The following RAPGEF1 variants were observed in gnomAD, a reference collection of about 807,000 sequenced individuals.
RAPGEF1 encodes the protein Rap guanine nucleotide exchange factor 1.
A neutral mutation model predicts 143.3 loss-of-function variants in RAPGEF1; 33 were observed. The observed-to-expected ratio is 0.23, with a 90% CI of 0.17 to 0.31. The LOEUF is 0.31. Ranked by LOEUF, RAPGEF1 falls within the 10% of genes least tolerant of loss-of-function variation. The pLI is 1.00. For missense variants in RAPGEF1, 1,199 were observed against 1,645.4 expected, an observed-to-expected ratio of 0.73 and a Z score of 4.69; for synonymous variants, 629 against 676.5, an observed-to-expected ratio of 0.93 and a Z score of 1.09.
At chr9:131,663,248 A>G (rs1829880324) in intron 1 of RAPGEF1, among the ~76,000 whole-genome samples, 1 of 152,222 alleles carries the variant, frequency 6.6e-6, no homozygotes, top group Admixed American at 6.5e-5. Flanking sequence ...TATCACAGAA[A>G]CACACATGCA....
chr9:131,650,278 G>C lies in RAPGEF1; in HGVS notation c.202-36C>G. ...GGAAACCTGGATTCCTACAGAGTTT[G>C]AAATGGCTGTTTGAGGCCGAAGGGA... On this transcript the variant is annotated intron_variant, in intron 2 of 26. Coordinates refer to ENST00000683357, the MANE Select transcript of RAPGEF1 (RefSeq NM_001377935.1). This position sits in a 1 kb window ranked among gnomAD's most constrained non-coding sequence, Gnocchi z 4.7. 6.5e-7 allele frequency: 1 copy of C among 1,530,514 alleles called. No individual in the cohort carries two copies. Among genetic ancestry groups the C allele is most frequent in the South Asian group, 1.1e-5 (1 of 87,706 alleles). The allele number at this position is 1,530,514 out of a possible 1,614,324, so 94.8% of individuals were successfully genotyped here.
rs12350825 is a variant in RAPGEF1 at position 131,657,245 on chromosome 9, A to G, written c.62-6296T>C. Reference sequence around the variant, plus strand: ...CCAACGGCTCCAGACAGGCAGGCAGACAGACAGACAGACAGACAGATGCAC... The same window carrying G: ...CCAACGGCTCCAGACAGGCAGGCAGGCAGACAGACAGACAGACAGATGCAC... On this transcript the variant is annotated intron_variant, in intron 1 of 26. Transcript: ENST00000683357. Among the ~76,000 whole-genome samples the G allele has an allele frequency of 3.9e-4, 60 of 152,174 alleles. 1 individual carries two copies. Among genetic ancestry groups the G allele is most frequent in the South Asian group, 2.1e-3 (10 of 4,824 alleles).
chr9:131,710,659 T>G (rs1396765133), intron 1 of RAPGEF1, among the ~76,000 whole-genome samples: 1 of 151,836 alleles, frequency 6.6e-6, no homozygotes, highest in Non-Finnish European at 1.5e-5. Context: ...GAGGCTGAGG[T>G]GTGTGGATCA....
intron 22 of RAPGEF1, among the ~76,000 whole-genome samples, chr9:131,586,967 A>AACACAC (rs770094684): frequency 2.4e-4 from 7 of 28,702 alleles, no homozygotes; most frequent in Admixed American, 8.2e-4. Flanking sequence ...CTCCGTCTCA[A>AACACAC]ACACACACAC....
chr9:131,622,084 G>C, intron 10 of RAPGEF1, 86 bp from the exon 11 acceptor site: 2 of 1,336,448 alleles, frequency 1.5e-6, no homozygotes, highest in Non-Finnish European at 2.1e-6. Flanking sequence ...CAGCAGCTAG[G>C]GGGCTTTCCA....
At chr9:131,734,852 C>A (rs877373) in intron 1 of RAPGEF1, among the ~76,000 whole-genome samples, 1 of 151,952 alleles carries the variant, frequency 6.6e-6, no homozygotes, top group Non-Finnish European at 1.5e-5. Flanking sequence ...CATTTGAAAC[C>A]GTAGCACACT....
At chr9:131,709,119 C>T (rs1225465251) in intron 1 of RAPGEF1, among the ~76,000 whole-genome samples, 2 of 152,136 alleles carry the variant, frequency 1.3e-5, no homozygotes, top group South Asian at 2.1e-4. Context: ...GAAGCTGAGA[C>T]AGGTGGGTCA....
intron 26 of RAPGEF1, among the ~76,000 whole-genome samples, 193 bp from the exon 27 acceptor site, chr9:131,579,840 C>A (rs900687293): frequency 6.6e-5 from 10 of 152,234 alleles, no homozygotes; most frequent in Non-Finnish European, 1.0e-4. Flanking sequence ...GCACATGGAG[C>A]ACAAACAGGG....
At chr9:131,600,281 GT>G (rs1234124447) in intron 15 of RAPGEF1, among the ~76,000 whole-genome samples, 2 of 152,210 alleles carry the variant, frequency 1.3e-5, no homozygotes, top group African/African-American at 4.8e-5. Flanking sequence ...CAGTCAAAGT[GT>G]TCATCCTTCT....
At chr9:131,580,508 C>T (rs974737807) in intron 25 of RAPGEF1, 117 bp from the exon 26 acceptor site, 3 of 1,238,790 alleles carry the variant, frequency 2.4e-6, no homozygotes, top group African/African-American at 1.5e-5. Context: ...CCAGAGCAAA[C>T]CAAAGAGCCA....
intron 1 of RAPGEF1, among the ~76,000 whole-genome samples, chr9:131,721,495 C>T (rs955065684): frequency 6.6e-6 from 1 of 152,154 alleles, no homozygotes. Flanking sequence ...GTACTTGGAC[C>T]CAGTCACAGC....
intron 22 of RAPGEF1, among the ~76,000 whole-genome samples, chr9:131,587,509 C>G (rs564666835): frequency 1.3e-5 from 2 of 152,356 alleles, no homozygotes; most frequent in Non-Finnish European, 2.9e-5. Context: ...CCCTGGCACT[C>G]TTCCCTGCTG....
intron 1 of RAPGEF1, among the ~76,000 whole-genome samples, chr9:131,723,943 T>C (rs759582218): frequency 1.1e-4 from 17 of 152,298 alleles, no homozygotes; most frequent in Non-Finnish European, 1.9e-4. Flanking sequence ...CAACACTTAT[T>C]TTCTGTGGGG....
At chr9:131,652,020 C>A (rs967229935) in intron 1 of RAPGEF1, among the ~76,000 whole-genome samples, 4 of 152,310 alleles carry the variant, frequency 2.6e-5, no homozygotes, top group East Asian at 3.9e-4. Context: ...AAAATTCCAC[C>A]TGTGAAAGGC....
intron 1 of RAPGEF1, among the ~76,000 whole-genome samples, chr9:131,677,404 A>C (rs1052051145): frequency 3.3e-5 from 5 of 152,252 alleles, no homozygotes; most frequent in Admixed American, 2.0e-4. Context: ...AATTAACATA[A>C]GCACAGGAAT....
In RAPGEF1 at chr9:131,645,739, G is replaced by A. The variant is rs758822271; in HGVS notation, c.316-2322C>T. 5.3e-5 allele frequency among the ~76,000 whole-genome samples: 8 copies of A among 152,334 alleles called. 1 individual carries two copies. In the Middle Eastern group the frequency reaches 0.01, roughly 194 times the overall value. ...CTGAAGCTGCCTCGCTGCATAACCC[G>A]AGGGCAGGTGCGTTCACCTGCGCAC... is the stretch of plus-strand genomic sequence containing the variant. On this transcript the variant is annotated intron_variant, in intron 3 of 26. Transcript: ENST00000683357.
chr9:131,648,713 T>C (rs532702268), intron 3 of RAPGEF1, among the ~76,000 whole-genome samples: 80 of 152,378 alleles, frequency 5.3e-4, no homozygotes, highest in African/African-American at 1.9e-3. Context: ...CCCTCTTGCT[T>C]GTCAGTCACC....
intron 17 of RAPGEF1, among the ~76,000 whole-genome samples, chr9:131,594,958 G>GC (rs34378054): frequency 6.6e-6 from 1 of 152,220 alleles, no homozygotes; most frequent in East Asian, 1.9e-4. Context: ...TGAGTATGGA[G>GC]CCCCCTATGT....
rs1002437931 is a variant in RAPGEF1 at position 131,618,939 on chromosome 9, G to A, written c.2061+112C>T. The A allele has an allele frequency of 1.8e-5, 17 of 958,526 alleles. No individual in the cohort carries two copies. The East Asian group carries it at 5.0e-4, about 28-fold the overall frequency. The allele number at this position is 958,526 out of a possible 1,614,324, so 59.4% of individuals were successfully genotyped here. ...CCTTCCCATCTAGGTGTAGGGACCCGCAGAAGGGCAGGGGCCGCGACGGGC... is the reference window on the plus strand; with the variant it reads ...CCTTCCCATCTAGGTGTAGGGACCCACAGAAGGGCAGGGGCCGCGACGGGC... On this transcript the variant is annotated intron_variant, in intron 12 of 26. Transcript: ENST00000683357.
Sources: gnomAD v4.1 joint callset for allele counts (sites outside exome capture counted in the v4.1 genomes callset) on GRCh38, gnomAD v4.1.1 for gene constraint, Gnocchi (gnomAD v3.1) non-coding constraint, MANE v1.5 for transcripts, NCBI Gene and HGNC (gene_info 2026-07-23, HGNC 2026-07-21) for gene names.